Variants in TRAF3IP3 observed in about 807,000 individuals in gnomAD.
TRAF3IP3 encodes the protein TRAF3-interacting JNK-activating modulator.
TRAF3IP3 carries 64 observed loss-of-function variants against 86.5 expected under a neutral mutation model. That is an observed-to-expected ratio of 0.74 (90% confidence interval 0.60 to 0.91). The LOEUF (loss-of-function observed/expected upper bound fraction) is 0.91, where lower values mean the gene tolerates loss of function less well. TRAF3IP3 is among the 40% of genes least tolerant of loss of function. The pLI, the probability that TRAF3IP3 is intolerant of heterozygous loss-of-function variation, is 0.00. For synonymous variants in TRAF3IP3, 220 were observed against 243.9 expected, an observed-to-expected ratio of 0.90 and a Z score of 0.91; for missense variants, 579 against 642.9, an observed-to-expected ratio of 0.90 and a Z score of 1.07.
At chr1:209,767,147 C>T (rs1255396073) in intron 8 of TRAF3IP3, among the ~76,000 whole-genome samples, 1 of 152,126 alleles carries the variant, frequency 6.6e-6, no homozygotes, top group Non-Finnish European at 1.5e-5. Context: ...CAAGGTATCT[C>T]AAACTTGAAT....
Position 209,760,185 on chromosome 1 carries a change from TGAGGA to T in TRAF3IP3, c.147_151del (p.Arg50ProfsTer71), listed in dbSNP as rs754361469. 1 of 1,614,206 alleles carries T rather than the reference TGAGGA, an allele frequency of 6.2e-7. No individual in the cohort carries two copies. The highest frequency in any genetic ancestry group is 1.1e-5 in the South Asian group (1 of 91,084). On this transcript the variant is annotated frameshift_variant, in exon 3 of 17. Coordinates refer to ENST00000367025, the MANE Select transcript of TRAF3IP3 (RefSeq NM_025228.4). LOFTEE classifies it high-confidence loss of function. ...ACTTGCCGCCAGGTGGGGAAGACGC[TGAGGA>T]TCCAACAGAGAGAGCAGCTCCAGAG...
intron 8 of TRAF3IP3, among the ~76,000 whole-genome samples, chr1:209,769,105 G>A (rs555791214): frequency 9.8e-5 from 15 of 152,328 alleles, no homozygotes; most frequent in African/African-American, 3.1e-4. Flanking sequence ...TACCCCAAAA[G>A]GGTAGGAGAC....
At chr1:209,767,330 C>T (rs11119341) in intron 8 of TRAF3IP3, among the ~76,000 whole-genome samples, 35,875 of 152,030 alleles carry the variant, frequency 0.24, 4,532 homozygotes, top group African/African-American at 0.31. Context: ...ATGTCTGGCT[C>T]ATCCTTAGAA....
Position 209,762,883 on chromosome 1 carries a change from C to A in TRAF3IP3, c.551+13C>A. On this transcript the variant is annotated intron_variant, in intron 5 of 16. Coordinates refer to ENST00000367025, the MANE Select transcript of TRAF3IP3 (RefSeq NM_025228.4). Reference sequence around the variant, plus strand: ...GTCAGCAAACCAAGTGAGTTCCTGACCCTAACCCTCTCACATCCCATCCAT... The same window carrying A: ...GTCAGCAAACCAAGTGAGTTCCTGAACCTAACCCTCTCACATCCCATCCAT... The A allele has an allele frequency of 6.2e-7, 1 of 1,614,054 alleles. No individual in the cohort carries two copies. The highest frequency in any genetic ancestry group is 8.5e-7 in the Non-Finnish European group (1 of 1,179,976).
At chr1:209,767,867 C>G (rs1344786557) in intron 8 of TRAF3IP3, among the ~76,000 whole-genome samples, 1 of 152,024 alleles carries the variant, frequency 6.6e-6, no homozygotes, top group Non-Finnish European at 1.5e-5. Context: ...GGTTTGTCTC[C>G]AAGGAGGAGT....
intron 9 of TRAF3IP3, among the ~76,000 whole-genome samples, chr1:209,775,091 T>C (rs939361252): frequency 7.9e-5 from 12 of 152,258 alleles, no homozygotes; most frequent in East Asian, 5.8e-4. Flanking sequence ...TGTTTAGACA[T>C]CTTGGATTCC....
chr1:209,757,313 A>G (rs2077171565), intron 1 of TRAF3IP3, among the ~76,000 whole-genome samples: 1 of 152,222 alleles, frequency 6.6e-6, no homozygotes, highest in Non-Finnish European at 1.5e-5. Flanking sequence ...ACCTCATCTC[A>G]GGCACTGTCT....
Position 209,763,565 on chromosome 1 carries a change from A to G in TRAF3IP3, c.680A>G (p.Gln227Arg). The G allele has an allele frequency of 1.2e-6, 2 of 1,614,142 alleles. No homozygotes were observed. Among genetic ancestry groups the G allele is most frequent in the Non-Finnish European group, 1.7e-6 (2 of 1,179,954 alleles). ...ILQDLLSTLIQASDSSWKGQL... is the reference protein window; with the variant it reads ...ILQDLLSTLIRASDSSWKGQL... The stretch of plus-strand genomic sequence containing the variant: ...CAAGACCTACTGTCCACTCTGATTC[A>G]GGCCTCTGACAGCTCTTGGAAGGTA... The change falls in exon 8 of 17, where the codon CAG becomes CGG. Residue 227 changes from glutamine to arginine, a missense_variant. By Grantham distance (43) the Gln-to-Arg change is conservative. Transcript: ENST00000367025.
intron 13 of TRAF3IP3, chr1:209,778,375 A>G (rs1571963291): frequency 5.9e-6 from 3 of 504,642 alleles, no homozygotes; most frequent in East Asian, 6.5e-5. Context: ...TTTTTTTTCT[A>G]CTGTTCTCCT....
chr1:209,770,197 G>A (rs564962720), intron 8 of TRAF3IP3, among the ~76,000 whole-genome samples: 19 of 151,270 alleles, frequency 1.3e-4, no homozygotes, highest in Non-Finnish European at 1.8e-4. Context: ...TGACTTTCTG[G>A]GAAGCTCCCT....
chr1:209,765,214 G>GAGAGAGA (rs2077324767), intron 8 of TRAF3IP3, among the ~76,000 whole-genome samples: 1 of 42,304 alleles, frequency 2.4e-5, no homozygotes, highest in Admixed American at 2.5e-4. Context: ...AGAGAGAGAG[G>GAGAGAGA]GAGAGAGAGA....
chr1:209,762,721 C>A, intron 4 of TRAF3IP3, 59 bp downstream of exon 4: 1 of 1,182,118 alleles, frequency 8.5e-7, no homozygotes, highest in South Asian at 1.6e-5. Flanking sequence ...GACAACTGTC[C>A]CAGCTCACTG....
At chr1:209,781,312 T>G (rs778777502) in intron 15 of TRAF3IP3, 33 bp from the exon 16 acceptor site, 1 of 1,477,204 alleles carries the variant, frequency 6.8e-7, no homozygotes, top group Admixed American at 1.7e-5. Flanking sequence ...TAGACAGAAG[T>G]GACAGTGATG....
intron 9 of TRAF3IP3, among the ~76,000 whole-genome samples, chr1:209,775,064 T>A (rs145639015): frequency 1.3e-5 from 2 of 152,202 alleles, no homozygotes; most frequent in East Asian, 3.9e-4. Context: ...AAAGAACATG[T>A]TTAGAAAGAT....
At chr1:209,780,852 C>A in intron 15 of TRAF3IP3, 1 of 267,980 alleles carries the variant, frequency 3.7e-6, no homozygotes. Flanking sequence ...AAAACTCAAA[C>A]ACATTTAATA....
chr1:209,777,622 T>G (rs1448067241), intron 12 of TRAF3IP3, 135 bp downstream of exon 12: 2 of 960,146 alleles, frequency 2.1e-6, no homozygotes, highest in Non-Finnish European at 3.0e-6. Flanking sequence ...TATAATCTCA[T>G]TTTACCTTGA....
chr1:209,766,748 G>A (rs752874249), intron 8 of TRAF3IP3, among the ~76,000 whole-genome samples: 2 of 152,172 alleles, frequency 1.3e-5, no homozygotes, highest in African/African-American at 2.4e-5. Flanking sequence ...CCTGAAGTCC[G>A]AGCTACTCAG....
At chr1:209,763,870 A>G (rs1353588502) in intron 8 of TRAF3IP3, among the ~76,000 whole-genome samples, 1 of 152,226 alleles carries the variant, frequency 6.6e-6, no homozygotes, top group Non-Finnish European at 1.5e-5. Context: ...GAAGGAATGA[A>G]GGAAGATCCC....
intron 11 of TRAF3IP3, chr1:209,776,183 A>G (rs1439236202): frequency 6.4e-6 from 1 of 155,968 alleles, no homozygotes; most frequent in East Asian, 1.9e-4. Flanking sequence ...AGCAATTACA[A>G]TTAGATTCTT....
Sources: allele counts gnomAD v4.1 joint callset (sites outside exome capture counted in the v4.1 genomes callset), GRCh38; gene constraint gnomAD v4.1.1; transcripts MANE v1.5; gene names NCBI Gene and HGNC (gene_info 2026-07-23, HGNC 2026-07-21).